Variants in DOT1L observed in about 807,000 individuals in gnomAD.
DOT1L encodes the protein histone-lysine N-methyltransferase, H3 lysine-79 specific.
In DOT1L, 33 loss-of-function variants were observed where a neutral mutation model predicts 153.3. That is an observed-to-expected ratio of 0.22 (90% CI 0.16 to 0.29). The LOEUF is 0.29. Among genes scored for constraint, DOT1L ranks in the 10% least tolerant of loss-of-function variants. The pLI, the probability that DOT1L is intolerant of heterozygous loss-of-function variation, is 1.00. For missense variants in DOT1L, 1,847 were observed against 2,119.9 expected (o/e 0.87, Z 2.53); for synonymous variants, 1,135 against 965.1 (o/e 1.18, Z -3.26).
intron 2 of DOT1L, 37 bp from the exon 3 acceptor site, chr19:2,185,818 C>T (rs777692065): frequency 1.9e-6 from 3 of 1,607,186 alleles, no homozygotes; most frequent in South Asian, 1.1e-5. Context: ...CAAAAAAAAC[C>T]AAACCCTTCC....
chr19:2,203,025 G>A (rs1167892440), intron 9 of DOT1L, among the ~76,000 whole-genome samples: 5 of 151,758 alleles, frequency 3.3e-5, no homozygotes, highest in African/African-American at 4.8e-5. Flanking sequence ...GGGTTCAAGC[G>A]ATTCTTCTGC....
In DOT1L at chr19:2,230,771, A is replaced by C. The variant is rs1438488506; in HGVS notation, c.*979A>C. 1 of 395,480 alleles carries C rather than the reference A, an allele frequency of 2.5e-6. No homozygotes were observed. Among genetic ancestry groups the C allele is most frequent in the Non-Finnish European group, 4.5e-6 (1 of 224,638 alleles). The allele number at this position is 395,480 out of a possible 1,614,324, so 24.5% of individuals were successfully genotyped here. ...GGGAAAAAACCTTATTTATTCAAACAGTGCACAAAATGGCCCCAGCGTCAG... is the reference window on the plus strand; with the variant it reads ...GGGAAAAAACCTTATTTATTCAAACCGTGCACAAAATGGCCCCAGCGTCAG... On this transcript the variant is annotated 3_prime_UTR_variant, in exon 28 of 28. Transcript: ENST00000398665.
chr19:2,168,405 G>A (rs768296177), intron 1 of DOT1L, among the ~76,000 whole-genome samples: 7 of 152,214 alleles, frequency 4.6e-5, no homozygotes, highest in Non-Finnish European at 7.4e-5. Context: ...GGGAGGGGCT[G>A]CCACTTCTGC....
Position 2,193,575 on chromosome 19 carries a change from T to C in DOT1L, c.494-114T>C. ...TCGGATATGTGTGGAGACTGTGGCC[T>C]CCCCTGTGGGTCTTCATGGCCGCAT... On this transcript the variant is annotated intron_variant, in intron 5 of 27. Coordinates refer to ENST00000398665, the MANE Select transcript of DOT1L (RefSeq NM_032482.3). The surrounding 1 kb of genome is among the most constrained non-coding windows in gnomAD (Gnocchi z 5.9). 1 of 926,132 alleles carries C rather than the reference T, an allele frequency of 1.1e-6. No homozygotes were observed. Among genetic ancestry groups the C allele is most frequent in the Non-Finnish European group, 1.7e-6 (1 of 597,330 alleles). 57.4% of individuals were successfully genotyped at this position (926,132 alleles called of 1,614,324 possible).
In DOT1L at chr19:2,230,405, G is replaced by C; in HGVS notation, c.*613G>C. 2.5e-6 allele frequency: 1 copy of C among 402,600 alleles called. No homozygotes were observed. Among genetic ancestry groups the C allele is most frequent in the East Asian group, 3.6e-5 (1 of 28,100 alleles). 24.9% of individuals were successfully genotyped at this position (402,600 alleles called of 1,614,324 possible). A position where few individuals can be genotyped will look rare whatever the true frequency, so the allele number is the denominator to read the frequency against. ...TTTACCCCGGCACTGTGAACCCCCA[G>C]ACTGTTCACCCTCCGGGGCGTGGGT... is the stretch of plus-strand genomic sequence containing the variant. On this transcript the variant is annotated 3_prime_UTR_variant, in exon 28 of 28. Coordinates refer to ENST00000398665, the MANE Select transcript of DOT1L (RefSeq NM_032482.3).
intron 1 of DOT1L, among the ~76,000 whole-genome samples, chr19:2,173,203 T>C (rs1242296211): frequency 6.6e-6 from 1 of 152,180 alleles, no homozygotes; most frequent in East Asian, 1.9e-4. Context: ...CCTGTCACGC[T>C]GTGGCTTTAG....
At position 2,167,719 on chromosome 19, in the gene DOT1L, A is replaced by ATTTTC. The variant is rs1315566168; in HGVS notation, c.81+3469_81+3473dup. Among the ~76,000 whole-genome samples, 51 of 140,960 alleles carry ATTTTC rather than the reference A, an allele frequency of 3.6e-4. 1 individual carries two copies. Among genetic ancestry groups the ATTTTC allele is most frequent in the South Asian group, 6.8e-4 (3 of 4,420 alleles). 92.5% of individuals were successfully genotyped at this position (140,960 alleles called of 152,430 possible). On this transcript the variant is annotated intron_variant, in intron 1 of 27. Coordinates refer to ENST00000398665, the MANE Select transcript of DOT1L (RefSeq NM_032482.3). ...TCACAAGAAGTGAGGGGTGGTTCTG[A>ATTTTC]TTTTCTTTTCTTTTCTTTTTTTTTT... is the stretch of plus-strand genomic sequence containing the variant.
At chr19:2,196,177 G>T (rs2023012189) in intron 7 of DOT1L, among the ~76,000 whole-genome samples, 1 of 152,254 alleles carries the variant, frequency 6.6e-6, no homozygotes, top group South Asian at 2.1e-4. Context: ...CACAGCACAA[G>T]TGAAGGCCGG....
chr19:2,179,080 G>T (rs953645089), intron 1 of DOT1L, among the ~76,000 whole-genome samples: 13 of 152,088 alleles, frequency 8.5e-5, no homozygotes, highest in East Asian at 1.9e-4. Flanking sequence ...AGCTGGGGGG[G>T]GGTCTCCTAT....
chr19:2,221,911 C>G (rs139199427), intron 23 of DOT1L, 65 bp from the exon 24 acceptor site: 561 of 1,470,950 alleles, frequency 3.8e-4, no homozygotes, highest in Middle Eastern at 1.6e-3. Flanking sequence ...GGGTGGTGCT[C>G]CCACAGCAAG....
rs1289515614 is a variant in DOT1L at position 2,201,411 on chromosome 19, A to G, written c.708-1289A>G. Among the ~76,000 whole-genome samples the G allele has an allele frequency of 3.3e-5, 5 of 150,568 alleles. No homozygotes were observed. In the South Asian group the frequency reaches 8.4e-4, roughly 25 times the overall value. On this transcript the variant is annotated intron_variant, in intron 8 of 27. Coordinates refer to ENST00000398665, the MANE Select transcript of DOT1L (RefSeq NM_032482.3). ...TCCCCATGCCTCTCGTCCTCCCCGCACCCTCGCTCCTGCTGTCTTCCCTGT... is the reference window on the plus strand; with the variant it reads ...TCCCCATGCCTCTCGTCCTCCCCGCGCCCTCGCTCCTGCTGTCTTCCCTGT...
intron 23 of DOT1L, 32 bp from the exon 24 acceptor site, chr19:2,221,944 G>C (rs1392052441): frequency 6.4e-7 from 1 of 1,559,076 alleles, no homozygotes; most frequent in African/African-American, 1.4e-5. Flanking sequence ...GCCATCCTGT[G>C]TCCCCTGAGA....
chr19:2,201,756 T>A (rs1326070304), intron 8 of DOT1L, among the ~76,000 whole-genome samples: 2 of 152,224 alleles, frequency 1.3e-5, no homozygotes, highest in African/African-American at 4.8e-5. Flanking sequence ...CCCGTTGACA[T>A]CTGGGCTCGG....
intron 1 of DOT1L, among the ~76,000 whole-genome samples, chr19:2,165,079 C>T (rs1293419696): frequency 6.6e-6 from 1 of 152,202 alleles, no homozygotes; most frequent in East Asian, 1.9e-4. Context: ...GTGCGGCTCC[C>T]GGGGTGCGAG....
chr19:2,221,750 C>T (rs151259419), intron 23 of DOT1L: 122 of 539,734 alleles, frequency 2.3e-4, no homozygotes, highest in African/African-American at 2.2e-3. Flanking sequence ...AGGGCACAGG[C>T]AGCCCAGATG....
Position 2,193,606 on chromosome 19 carries a change from TG to T in DOT1L, c.494-81del. 7.5e-7 allele frequency: 1 copy of T among 1,342,068 alleles called. No individual in the cohort carries two copies. The highest frequency in any genetic ancestry group is 1.1e-6 in the Non-Finnish European group (1 of 947,494). 83.1% of individuals were successfully genotyped at this position (1,342,068 alleles called of 1,614,324 possible). ...GTGGGTCTTCATGGCCGCATTCTTGTGGCCTCTGTCTCCGAGCCTAGCACGG... is the reference window on the plus strand; with the variant it reads ...GTGGGTCTTCATGGCCGCATTCTTGTGCCTCTGTCTCCGAGCCTAGCACGG... On this transcript the variant is annotated intron_variant, in intron 5 of 27. Transcript: ENST00000398665. The surrounding 1 kb of genome is among the most constrained non-coding windows in gnomAD (Gnocchi z 5.9).
At chr19:2,211,436 G>A (rs1005563787) in intron 15 of DOT1L, among the ~76,000 whole-genome samples, 4 of 152,200 alleles carry the variant, frequency 2.6e-5, no homozygotes, top group Non-Finnish European at 5.9e-5. Context: ...GGTGACACTT[G>A]GGACGTCTGC....
chr19:2,231,734 G>A lies in DOT1L; in HGVS notation c.*1942G>A, dbSNP rs889893935. 2.0e-4 allele frequency: 42 copies of A among 213,594 alleles called. No individual in the cohort carries two copies. Among genetic ancestry groups the A allele is most frequent in the Non-Finnish European group, 5.7e-5 (6 of 105,726 alleles). The allele number at this position is 213,594 out of a possible 1,614,324, so 13.2% of individuals were successfully genotyped here. On this transcript the variant is annotated 3_prime_UTR_variant, in exon 28 of 28. Coordinates refer to ENST00000398665, the MANE Select transcript of DOT1L (RefSeq NM_032482.3). ...CACAGGGTTGATGGCAGAGACGGCC[G>A]AGTCCCTGGTCTAGAACAAGACACA...
rs963467627 is a variant in DOT1L at position 2,211,453 on chromosome 19, C to A, written c.1465+241C>A. ...TGACACTTGGGACGTCTGCAGTTGT[C>A]ATAACTTAGGGATGTTGCTGGCATG... On this transcript the variant is annotated intron_variant, in intron 15 of 27. Coordinates refer to ENST00000398665, the MANE Select transcript of DOT1L (RefSeq NM_032482.3). Among the ~76,000 whole-genome samples the A allele has an allele frequency of 2.0e-5, 3 of 152,310 alleles. No homozygotes were observed. The East Asian group carries it at 5.8e-4, about 29-fold the overall frequency.
Sources: gnomAD v4.1 joint callset for allele counts (sites outside exome capture counted in the v4.1 genomes callset) on GRCh38, gnomAD v4.1.1 for gene constraint, Gnocchi (gnomAD v3.1) non-coding constraint, MANE v1.5 for transcripts, NCBI Gene and HGNC (gene_info 2026-07-23, HGNC 2026-07-21) for gene names.